The following SCD5 variants were observed in gnomAD, a reference collection of about 807,000 sequenced individuals.
The protein encoded by SCD5 is acyl-CoA-desaturase 4.
Under a neutral mutation model 30.4 loss-of-function variants are expected in SCD5, and 20 were observed. The observed-to-expected ratio is 0.66, with a 90% CI of 0.46 to 0.96. The LOEUF (loss-of-function observed/expected upper bound fraction) is 0.96. Among genes scored for constraint, SCD5 ranks in the 40% least tolerant of loss-of-function variants. SCD5 has a pLI of 0.00. For missense variants in SCD5, 381 were observed against 443.3 expected (o/e 0.86, Z 1.26); for synonymous variants, 173 against 176.4 (o/e 0.98, Z 0.16).
intron 3 of SCD5, among the ~76,000 whole-genome samples, chr4:82,648,140 C>T (rs769290854): frequency 4.6e-5 from 7 of 152,220 alleles, no homozygotes; most frequent in Non-Finnish European, 8.8e-5. Flanking sequence ...CTATCTCAGT[C>T]GGGCTGGACC....
intron 3 of SCD5, among the ~76,000 whole-genome samples, chr4:82,679,280 G>GAAAGAAAGAAAGA (rs201019722): frequency 2.6e-5 from 3 of 113,346 alleles, no homozygotes; most frequent in Admixed American, 9.2e-5. Context: ...AAGAAAGAAA[G>GAAAGAAAGAAAGA]AAGGAAGGAA....
At position 82,709,597 on chromosome 4, in the gene SCD5, C is replaced by G. The variant is rs113354341; in HGVS notation, c.233-4184G>C. On this transcript the variant is annotated intron_variant, in intron 1 of 4. Coordinates refer to ENST00000319540, the MANE Select transcript of SCD5 (RefSeq NM_001037582.3). ...GAGCAAGGTCCAGAGGAGGCAAGATCAGGCAGAGGGACTCACAGATGCAAA... is the reference window on the plus strand; with the variant it reads ...GAGCAAGGTCCAGAGGAGGCAAGATGAGGCAGAGGGACTCACAGATGCAAA... 3.8e-3 allele frequency among the ~76,000 whole-genome samples: 574 copies of G among 152,290 alleles called. 7 individuals carry two copies. The highest frequency in any genetic ancestry group is 0.013 in the African/African-American group (542 of 41,550).
chr4:82,761,673 G>A (rs922185352), intron 1 of SCD5, among the ~76,000 whole-genome samples: 3 of 151,798 alleles, frequency 2.0e-5, no homozygotes, highest in Non-Finnish European at 4.4e-5. Flanking sequence ...CTGGTGCACT[G>A]CACCCACTAA....
intron 1 of SCD5, among the ~76,000 whole-genome samples, chr4:82,757,456 G>A (rs1721257876): frequency 6.6e-6 from 1 of 152,120 alleles, no homozygotes; most frequent in East Asian, 1.9e-4. Flanking sequence ...CAATTCAACT[G>A]AATTGAATTG....
chr4:82,710,491 CAG>C (rs1184194937), intron 1 of SCD5, among the ~76,000 whole-genome samples: 2 of 152,134 alleles, frequency 1.3e-5, no homozygotes, highest in Non-Finnish European at 2.9e-5. Context: ...CTCTCAGCTG[CAG>C]AGTCTTTGAT....
At chr4:82,688,267 T>C (rs1054680147) in intron 2 of SCD5, among the ~76,000 whole-genome samples, 1 of 152,148 alleles carries the variant, frequency 6.6e-6, no homozygotes. Context: ...GTAGAAAATA[T>C]GCGTGTGCAT....
At chr4:82,769,922 A>G (rs1269583016) in intron 1 of SCD5, among the ~76,000 whole-genome samples, 14 of 151,912 alleles carry the variant, frequency 9.2e-5, no homozygotes, top group Non-Finnish European at 1.2e-4. Context: ...TATCAAAATA[A>G]AAACTTACAG....
chr4:82,680,617 G>A, intron 3 of SCD5, 90 bp downstream of exon 3: 1 of 1,159,840 alleles, frequency 8.6e-7, no homozygotes, highest in Non-Finnish European at 1.3e-6. Context: ...TGCTTGAGAA[G>A]AACGCTATGG....
At chr4:82,755,110 G>A (rs1468025771) in intron 1 of SCD5, among the ~76,000 whole-genome samples, 1 of 134,888 alleles carries the variant, frequency 7.4e-6, no homozygotes, top group African/African-American at 2.7e-5. Flanking sequence ...CAGCTAACAA[G>A]AAGATGGGGG....
intron 3 of SCD5, among the ~76,000 whole-genome samples, chr4:82,662,071 G>A (rs540262529): frequency 1.3e-5 from 2 of 152,288 alleles, no homozygotes; most frequent in East Asian, 3.9e-4. Flanking sequence ...ATTTATTTAT[G>A]AGACAGGGTC....
At chr4:82,750,641 A>C (rs1450664830) in intron 1 of SCD5, among the ~76,000 whole-genome samples, 4 of 134,124 alleles carry the variant, frequency 3.0e-5, no homozygotes, top group Non-Finnish European at 3.1e-5. Flanking sequence ...TGCTTGTAGC[A>C]AAAAAAAAAA....
At chr4:82,642,565 C>T (rs1727567133) in intron 3 of SCD5, among the ~76,000 whole-genome samples, 2 of 152,182 alleles carry the variant, frequency 1.3e-5, no homozygotes, top group South Asian at 2.1e-4. Flanking sequence ...TCAGTCTGAA[C>T]ATCACTTCCT....
chr4:82,791,456 T>G (rs1230870513), intron 1 of SCD5, among the ~76,000 whole-genome samples: 2 of 151,304 alleles, frequency 1.3e-5, no homozygotes, highest in Non-Finnish European at 2.9e-5. Context: ...CAGGGCTTCC[T>G]GATAACCATG....
chr4:82,729,338 G>A (rs1050942694), intron 1 of SCD5, among the ~76,000 whole-genome samples: 1 of 152,192 alleles, frequency 6.6e-6, no homozygotes, highest in African/African-American at 2.4e-5. Flanking sequence ...GACTTCTGGA[G>A]GAGGAGGGAG....
chr4:82,660,724 A>G (rs1727981388), intron 3 of SCD5: 1 of 1,458,130 alleles, frequency 6.9e-7, no homozygotes, highest in South Asian at 1.4e-5. Flanking sequence ...TCCTTGTGTC[A>G]ACTGATTGAA....
chr4:82,782,083 C>T (rs1249835463), intron 1 of SCD5, among the ~76,000 whole-genome samples: 1 of 150,884 alleles, frequency 6.6e-6, no homozygotes, highest in Non-Finnish European at 1.5e-5. Flanking sequence ...ACAAAGGACC[C>T]TCCTATCTTG....
At chr4:82,780,095 T>G (rs774698251) in intron 1 of SCD5, among the ~76,000 whole-genome samples, 2 of 152,250 alleles carry the variant, frequency 1.3e-5, no homozygotes, top group South Asian at 2.1e-4. Flanking sequence ...CCATGCCTGA[T>G]GCACAGAAAG....
chr4:82,791,401 G>A (rs1397830339), intron 1 of SCD5, among the ~76,000 whole-genome samples: 3 of 150,676 alleles, frequency 2.0e-5, no homozygotes, highest in African/African-American at 4.9e-5. Context: ...CCATTGCCAG[G>A]GGAAATAAAA....
chr4:82,695,334 T>C (rs28497423), intron 2 of SCD5, among the ~76,000 whole-genome samples: 53,926 of 151,348 alleles, frequency 0.36, 10,351 homozygotes, highest in Middle Eastern at 0.53. Context: ...GGGGCAAGCA[T>C]TGAATCAGAA....
Sources: gnomAD v4.1 joint callset for allele counts (sites outside exome capture counted in the v4.1 genomes callset) on GRCh38, gnomAD v4.1.1 for gene constraint, MANE v1.5 for transcripts, NCBI Gene and HGNC (gene_info 2026-07-23, HGNC 2026-07-21) for gene names.